The following GMDS variants were observed in gnomAD, a reference collection of about 807,000 sequenced individuals.
GMDS encodes GDP-mannose 4,6 dehydratase.
GMDS carries 20 observed loss-of-function variants against 49.9 expected under a neutral mutation model. That is an observed-to-expected ratio of 0.40 (90% CI 0.28 to 0.58). The LOEUF is 0.58. GMDS is among the 20% of genes least tolerant of loss of function. The pLI, the probability that GMDS is intolerant of heterozygous loss-of-function variation, is 0.42. For synonymous variants in GMDS, 177 were observed against 178.6 expected, an observed-to-expected ratio of 0.99 and a Z score of 0.07; for missense variants, 362 against 481.4, an observed-to-expected ratio of 0.75 and a Z score of 2.32.
intron 9 of GMDS, among the ~76,000 whole-genome samples, chr6:1,670,322 T>G (rs1020873124): frequency 6.6e-6 from 1 of 151,870 alleles, no homozygotes; most frequent in Non-Finnish European, 1.5e-5. Flanking sequence ...TTTCTTGCCC[T>G]GATTTGAAAG....
chr6:2,119,139 G>A (rs1315680751), intron 2 of GMDS, among the ~76,000 whole-genome samples: 2 of 152,060 alleles, frequency 1.3e-5, no homozygotes, highest in African/African-American at 4.8e-5. Flanking sequence ...AATAACAATA[G>A]TGTTATTTCG....
rs1200756772 is a variant in GMDS, at chr6:1,624,546, G to C, written c.988-6C>G. On this transcript the variant is annotated splice_region_variant and splice_polypyrimidine_tract_variant and intron_variant, in intron 9 of 10. Coordinates refer to ENST00000380815, the MANE Select transcript of GMDS (RefSeq NM_001500.4). ...CAGTCGCCCTGCAGAAAGTCCTAGG[G>C]AAGAAGAGGGGGAGACGAAGCAGGC... 2.5e-6 allele frequency: 4 copies of C among 1,610,560 alleles called. No homozygotes were observed. Among genetic ancestry groups the C allele is most frequent in the Admixed American group, 3.3e-5 (2 of 59,978 alleles).
intron 7 of GMDS, among the ~76,000 whole-genome samples, chr6:1,806,484 G>A (rs1234772662): frequency 6.7e-6 from 1 of 148,156 alleles, no homozygotes; most frequent in African/African-American, 2.5e-5. Context: ...GCACGCACAT[G>A]CATACACACA....
chr6:1,693,105 C>G (rs1423554054), intron 9 of GMDS, among the ~76,000 whole-genome samples: 1 of 152,222 alleles, frequency 6.6e-6, no homozygotes, highest in Non-Finnish European at 1.5e-5. Flanking sequence ...AGTGCCCCTT[C>G]TAAGAGGCAA....
intron 4 of GMDS, among the ~76,000 whole-genome samples, chr6:1,988,570 C>A (rs1331451747): frequency 5.3e-5 from 8 of 152,244 alleles, no homozygotes; most frequent in African/African-American, 1.9e-4. Flanking sequence ...TAGAATAACC[C>A]TCCATGTGAA....
chr6:2,120,601 C>T (rs1431993047), intron 2 of GMDS, among the ~76,000 whole-genome samples: 26 of 151,892 alleles, frequency 1.7e-4, no homozygotes, highest in Admixed American at 1.7e-3. Context: ...TCATATAGTC[C>T]CAGATTTTAG....
chr6:1,696,707 C>T (rs569012259), intron 9 of GMDS, among the ~76,000 whole-genome samples: 3 of 152,298 alleles, frequency 2.0e-5, no homozygotes, highest in African/African-American at 4.8e-5. Context: ...GTCATAGAGC[C>T]GGTATCTGGA....
At chr6:2,108,950 C>T (rs1774393765) in intron 4 of GMDS, among the ~76,000 whole-genome samples, 3 of 152,176 alleles carry the variant, frequency 2.0e-5, no homozygotes, top group Non-Finnish European at 4.4e-5. Flanking sequence ...CAAAACATCA[C>T]TTTTTCCTTT....
chr6:1,811,490 T>C (rs915172399), intron 7 of GMDS, among the ~76,000 whole-genome samples: 3 of 152,176 alleles, frequency 2.0e-5, no homozygotes, highest in Non-Finnish European at 2.9e-5. Context: ...ATTATTTCAT[T>C]TTATTGTATC....
chr6:1,972,038 T>C (rs1764640925), intron 4 of GMDS, among the ~76,000 whole-genome samples: 1 of 152,134 alleles, frequency 6.6e-6, no homozygotes, highest in African/African-American at 2.4e-5. Flanking sequence ...AGAATCTTCA[T>C]TTCTAAAATG....
At chr6:2,164,532 G>T (rs1777565012) in intron 1 of GMDS, among the ~76,000 whole-genome samples, 1 of 152,178 alleles carries the variant, frequency 6.6e-6, no homozygotes. Context: ...CCCATTGGGG[G>T]TGGAGAGGCC....
intron 4 of GMDS, among the ~76,000 whole-genome samples, chr6:2,091,955 G>A (rs927386634): frequency 2.0e-5 from 3 of 151,940 alleles, no homozygotes; most frequent in Non-Finnish European, 4.4e-5. Context: ...AACAAAAAGA[G>A]CAACTACAAG....
chr6:1,972,257 T>C (rs1018111725), intron 4 of GMDS, among the ~76,000 whole-genome samples: 1 of 121,754 alleles, frequency 8.2e-6, no homozygotes, highest in Non-Finnish European at 1.8e-5. Flanking sequence ...GTCTCCTGGG[T>C]TTTTGTTTTT....
intron 1 of GMDS, among the ~76,000 whole-genome samples, chr6:2,128,476 C>T (rs1486293618): frequency 6.6e-6 from 1 of 152,066 alleles, no homozygotes; most frequent in Non-Finnish European, 1.5e-5. Flanking sequence ...ATCCTACTCT[C>T]GCAAGAACTA....
At chr6:1,809,784 C>T (rs889285077) in intron 7 of GMDS, among the ~76,000 whole-genome samples, 2 of 152,092 alleles carry the variant, frequency 1.3e-5, no homozygotes, top group East Asian at 1.9e-4. Context: ...AAAAGAGAAT[C>T]TTTTCTCTTT....
intron 1 of GMDS, among the ~76,000 whole-genome samples, chr6:2,231,109 A>T (rs1781086994): frequency 1.3e-5 from 2 of 152,044 alleles, no homozygotes; most frequent in African/African-American, 4.8e-5. Flanking sequence ...TTCAGTTTCA[A>T]GTTCCCAAGT....
At chr6:1,676,514 A>G (rs1172372062) in intron 9 of GMDS, among the ~76,000 whole-genome samples, 3 of 152,202 alleles carry the variant, frequency 2.0e-5, no homozygotes, top group East Asian at 1.9e-4. Flanking sequence ...GAGGCATCAC[A>G]CTACCTGACT....
At chr6:1,935,170 G>A (rs1162609292) in intron 6 of GMDS, among the ~76,000 whole-genome samples, 1 of 152,204 alleles carries the variant, frequency 6.6e-6, no homozygotes, top group Non-Finnish European at 1.5e-5. Flanking sequence ...GGGAAAGCCA[G>A]CTCTGTTAGT....
chr6:1,944,994 GC>G lies in GMDS; in HGVS notation c.644-14765del, dbSNP rs1561912107. Among the ~76,000 whole-genome samples, 21 of 152,244 alleles carry G rather than the reference GC, an allele frequency of 1.4e-4. No homozygotes were observed. The South Asian group carries it at 4.3e-3, about 32-fold the overall frequency. On this transcript the variant is annotated intron_variant, in intron 6 of 10. Coordinates refer to ENST00000380815, the MANE Select transcript of GMDS (RefSeq NM_001500.4). The stretch of plus-strand genomic sequence containing the variant: ...TCACCCAAGGAAAATAAGTAACATT[GC>G]CTCCTCTGTAATAACTATTGCTAAT...
Sources: gnomAD v4.1 joint callset for allele counts (sites outside exome capture counted in the v4.1 genomes callset) on GRCh38, gnomAD v4.1.1 for gene constraint, MANE v1.5 for transcripts, NCBI Gene and HGNC (gene_info 2026-07-23, HGNC 2026-07-21) for gene names.